The following SNX8 variants were observed in gnomAD, a reference collection of about 807,000 sequenced individuals.
SNX8 encodes sorting nexin 8.
A neutral mutation model predicts 51.6 loss-of-function variants in SNX8; 25 were observed. The observed-to-expected ratio is 0.48, with a 90% CI of 0.35 to 0.68. The LOEUF is 0.68. Ranked by LOEUF, SNX8 falls within the 30% of genes least tolerant of loss-of-function variation. The pLI is 0.00. For synonymous variants in SNX8, 324 were observed against 277.0 expected (o/e 1.17, Z -1.68); for missense variants, 695 against 624.0 (o/e 1.11, Z -1.21).
chr7:2,318,775 G>T (rs1479138326), upstream of SNX8, among the ~76,000 whole-genome samples: 2 of 151,784 alleles, frequency 1.3e-5, no homozygotes, highest in Non-Finnish European at 2.9e-5. Context: ...ACTTTGGGAG[G>T]TCGAGGCAGG....
chr7:2,342,321 C>T (rs2115246249), intron 1 of SNX8, among the ~76,000 whole-genome samples: 1 of 151,948 alleles, frequency 6.6e-6, no homozygotes, highest in South Asian at 2.1e-4. Flanking sequence ...GCACTGATTG[C>T]ATGTATTAGT....
intron 3 of SNX8, among the ~76,000 whole-genome samples, chr7:2,273,552 C>G (rs1049328098): frequency 6.7e-6 from 1 of 149,092 alleles, no homozygotes; most frequent in South Asian, 2.1e-4. Flanking sequence ...CACCACTGCA[C>G]TCCAGCCTGG....
Position 2,254,631 on chromosome 7 carries a change from A to G in SNX8, c.*425T>C, listed in dbSNP as rs1007611738. On this transcript the variant is annotated 3_prime_UTR_variant, in exon 11 of 11. Coordinates refer to ENST00000222990, the MANE Select transcript of SNX8 (RefSeq NM_013321.4). ...CCCCTCGCTGTCCGTGGTCAGTCCC[A>G]TGCCTGGGCTGCAGGGCAGCCCTGC... The G allele has an allele frequency of 3.0e-5, 6 of 196,934 alleles. No individual in the cohort carries two copies. The Admixed American group carries it at 3.3e-4, about 11-fold the overall frequency. 12.2% of individuals were successfully genotyped at this position (196,934 alleles called of 1,614,324 possible).
intron 7 of SNX8, among the ~76,000 whole-genome samples, chr7:2,260,988 C>G (rs1420225310): frequency 6.6e-6 from 1 of 152,234 alleles, no homozygotes; most frequent in Non-Finnish European, 1.5e-5. Context: ...TCATCCTGAG[C>G]TCTGCAGAGC....
intron 9 of SNX8, 67 bp from the exon 10 acceptor site, chr7:2,257,090 C>G: frequency 2.7e-6 from 4 of 1,489,130 alleles, no homozygotes; most frequent in Non-Finnish European, 2.7e-6. Context: ...GGCCCGAACA[C>G]CAGCGTGCTC....
chr7:2,336,505 G>T (rs1485910689), intron 1 of SNX8, among the ~76,000 whole-genome samples: 2 of 151,990 alleles, frequency 1.3e-5, no homozygotes, highest in Non-Finnish European at 2.9e-5. Context: ...TCAGGAGTTT[G>T]AAACCAGCCT....
At chr7:2,268,940 G>T (rs1455597980) in intron 5 of SNX8, among the ~76,000 whole-genome samples, 2 of 126,532 alleles carry the variant, frequency 1.6e-5, no homozygotes, top group Non-Finnish European at 1.7e-5. Context: ...CAGCCGCCCC[G>T]TCCGGGAGGT....
At chr7:2,258,427 G>T (rs971731616) in intron 7 of SNX8, among the ~76,000 whole-genome samples, 1 of 152,072 alleles carries the variant, frequency 6.6e-6, no homozygotes, top group Non-Finnish European at 1.5e-5. Flanking sequence ...CAAAGCCGGC[G>T]ACTCTCCCAA....
chr7:2,277,001 C>T (rs111495206), intron 2 of SNX8, among the ~76,000 whole-genome samples: 2 of 152,242 alleles, frequency 1.3e-5, no homozygotes, highest in African/African-American at 2.4e-5. Flanking sequence ...CTGCTCATGA[C>T]GCTTTTCAAA....
intron 2 of SNX8, among the ~76,000 whole-genome samples, chr7:2,275,849 T>A (rs1029731040): frequency 2.0e-5 from 3 of 151,234 alleles, no homozygotes; most frequent in Non-Finnish European, 4.4e-5. Flanking sequence ...ACACAAAAAA[T>A]TAGCCGGGCG....
intron 5 of SNX8, among the ~76,000 whole-genome samples, chr7:2,265,508 G>A (rs957211536): frequency 6.6e-6 from 1 of 151,470 alleles, no homozygotes; most frequent in Non-Finnish European, 1.5e-5. Flanking sequence ...AGCCAGGCGT[G>A]GTGGAGCGCC....
At chr7:2,337,543 G>A (rs1367106230) in intron 1 of SNX8, among the ~76,000 whole-genome samples, 1 of 152,054 alleles carries the variant, frequency 6.6e-6, no homozygotes, top group African/African-American at 2.4e-5. Flanking sequence ...CAATGTATTT[G>A]GAAATGTAAA....
upstream of SNX8, among the ~76,000 whole-genome samples, chr7:2,316,564 C>A (rs1437492388): frequency 1.3e-5 from 2 of 151,058 alleles, no homozygotes; most frequent in African/African-American, 4.9e-5. Flanking sequence ...CACTCACTCA[C>A]TGCATCCTGC....
intron 5 of SNX8, among the ~76,000 whole-genome samples, chr7:2,265,979 T>C (rs1030924698): frequency 1.3e-5 from 2 of 152,010 alleles, no homozygotes; most frequent in African/African-American, 2.4e-5. Context: ...AGCCAAGTAC[T>C]GTGGTGCATG....
upstream of SNX8, among the ~76,000 whole-genome samples, chr7:2,317,937 A>T (rs1331308594): frequency 6.6e-6 from 1 of 152,120 alleles, no homozygotes; most frequent in East Asian, 1.9e-4. Context: ...CCCATATCTG[A>T]TAGCTGCTTC....
intron 1 of SNX8, among the ~76,000 whole-genome samples, chr7:2,288,759 G>A (rs1796087884): frequency 6.6e-6 from 1 of 152,026 alleles, no homozygotes; most frequent in Non-Finnish European, 1.5e-5. Context: ...TTTGAGACAG[G>A]GTCTCACTCT....
At chr7:2,265,601 CA>C (rs1795445113) in intron 5 of SNX8, among the ~76,000 whole-genome samples, 1 of 152,044 alleles carries the variant, frequency 6.6e-6, no homozygotes, top group Admixed American at 6.6e-5. Flanking sequence ...GCCATGATCA[CA>C]ACACTGCACT....
chr7:2,305,076 G>T (rs1796516879), intron 1 of SNX8, among the ~76,000 whole-genome samples: 1 of 152,188 alleles, frequency 6.6e-6, no homozygotes, highest in Admixed American at 6.5e-5. Flanking sequence ...TTCCTGCTGT[G>T]CTGCCGGTGG....
rs531176275 is a variant in SNX8, at chr7:2,272,992, C to T, written c.419-1021G>A. 2.4e-4 allele frequency among the ~76,000 whole-genome samples: 36 copies of T among 152,002 alleles called. 1 individual carries two copies. In the South Asian group the frequency reaches 5.8e-3, roughly 25 times the overall value. ...GGGATTACAGGCACCCGCCACCACA[C>T]CTGGCTAATGTTTATACTTTTATTA... On this transcript the variant is annotated intron_variant, in intron 3 of 10. Coordinates refer to ENST00000222990, the MANE Select transcript of SNX8 (RefSeq NM_013321.4).
Sources: gnomAD v4.1 joint callset for allele counts (sites outside exome capture counted in the v4.1 genomes callset) on GRCh38, gnomAD v4.1.1 for gene constraint, MANE v1.5 for transcripts, NCBI Gene and HGNC (gene_info 2026-07-23, HGNC 2026-07-21) for gene names.